The following MACROD2 variants were observed in gnomAD, a reference collection of about 807,000 sequenced individuals.
MACROD2 encodes mono-ADP ribosylhydrolase 2.
In MACROD2, 36 loss-of-function variants were observed where a neutral mutation model predicts 70.4. The observed-to-expected ratio is 0.51, with a 90% confidence interval of 0.39 to 0.68. The LOEUF (loss-of-function observed/expected upper bound fraction) is 0.68. Ranked by LOEUF, MACROD2 falls within the 30% of genes least tolerant of loss-of-function variation. The pLI, the probability that MACROD2 is intolerant of heterozygous loss-of-function variation, is 0.00. For synonymous variants in MACROD2, 172 were observed against 178.8 expected, an observed-to-expected ratio of 0.96 and a Z score of 0.30; for missense variants, 496 against 538.4, an observed-to-expected ratio of 0.92 and a Z score of 0.78.
At chr20:15,160,148 G>A (rs569845267) in intron 5 of MACROD2, among the ~76,000 whole-genome samples, 2 of 152,044 alleles carry the variant, frequency 1.3e-5, no homozygotes, top group South Asian at 2.1e-4. Context: ...ATTTGGCCAG[G>A]GTGTGTTGAA....
chr20:15,265,531 T>C (rs1459755880), intron 6 of MACROD2, among the ~76,000 whole-genome samples: 1 of 152,228 alleles, frequency 6.6e-6, no homozygotes, highest in African/African-American at 2.4e-5. Flanking sequence ...TGACTCATTT[T>C]TTTTCGATGT....
chr20:14,424,482 G>C (rs1034583114), intron 3 of MACROD2, among the ~76,000 whole-genome samples: 33 of 152,264 alleles, frequency 2.2e-4, no homozygotes, highest in Admixed American at 2.0e-3. Context: ...TATATTTTTA[G>C]AGTTGAATTT....
At chr20:15,628,389 C>G (rs1304417624) in intron 8 of MACROD2, among the ~76,000 whole-genome samples, 1 of 152,154 alleles carries the variant, frequency 6.6e-6, no homozygotes, top group African/African-American at 2.4e-5. Context: ...GGACTCTGAA[C>G]CCAGGATGTC....
intron 15 of MACROD2, among the ~76,000 whole-genome samples, chr20:16,005,127 A>T (rs1393083192): frequency 2.6e-5 from 4 of 152,210 alleles, no homozygotes; most frequent in Non-Finnish European, 5.9e-5. Flanking sequence ...AACAAGAAGG[A>T]GTCATGTGAA....
intron 5 of MACROD2, among the ~76,000 whole-genome samples, chr20:14,849,150 C>T (rs969497060): frequency 6.6e-6 from 1 of 152,134 alleles, no homozygotes; most frequent in African/African-American, 2.4e-5. Context: ...AATAGACCTG[C>T]AAAATGCAAG....
intron 8 of MACROD2, among the ~76,000 whole-genome samples, chr20:15,603,504 C>CAAAAAAAA (rs35734719): frequency 1.0e-5 from 1 of 97,974 alleles, no homozygotes; most frequent in Non-Finnish European, 2.2e-5. Context: ...TGAGACGTCT[C>CAAAAAAAA]AAAAAAAAAA....
intron 8 of MACROD2, among the ~76,000 whole-genome samples, chr20:15,778,208 A>ATCTAAT (rs1177405749): frequency 6.6e-6 from 1 of 152,168 alleles, no homozygotes; most frequent in African/African-American, 2.4e-5. Flanking sequence ...GTCTAATTTA[A>ATCTAAT]TCTAATTCCA....
chr20:14,936,313 T>C (rs2074340039), intron 5 of MACROD2, among the ~76,000 whole-genome samples: 1 of 152,186 alleles, frequency 6.6e-6, no homozygotes, highest in Non-Finnish European at 1.5e-5. Context: ...AAAGAAACTT[T>C]AGAATTCAAG....
intron 2 of MACROD2, among the ~76,000 whole-genome samples, chr20:14,011,503 T>C (rs1380152613): frequency 6.6e-6 from 1 of 152,066 alleles, no homozygotes; most frequent in Non-Finnish European, 1.5e-5. Flanking sequence ...TTAAAAAGCC[T>C]GTTCAAGTAG....
intron 15 of MACROD2, among the ~76,000 whole-genome samples, chr20:16,017,133 C>G (rs961208590): frequency 1.3e-5 from 2 of 152,164 alleles, no homozygotes; most frequent in African/African-American, 4.8e-5. Flanking sequence ...GCCCTCTTTC[C>G]TCCAAGTTTC....
chr20:15,292,844 C>A (rs1471063195), intron 6 of MACROD2, among the ~76,000 whole-genome samples: 3 of 151,580 alleles, frequency 2.0e-5, no homozygotes, highest in African/African-American at 7.3e-5. Context: ...TTTTTCATTT[C>A]CTACTTCTTT....
intron 5 of MACROD2, among the ~76,000 whole-genome samples, chr20:15,124,352 T>TG (rs1374156026): frequency 6.6e-6 from 1 of 150,718 alleles, no homozygotes; most frequent in Non-Finnish European, 1.5e-5. Flanking sequence ...ATTTCCTAGT[T>TG]TTTTTTTTTT....
chr20:14,607,465 G>A (rs539059121), intron 4 of MACROD2, among the ~76,000 whole-genome samples: 64 of 152,252 alleles, frequency 4.2e-4, no homozygotes, highest in Non-Finnish European at 5.6e-4. Flanking sequence ...AGGCAGTTAT[G>A]TCTCAACTGC....
In MACROD2 at chr20:15,885,175, TCA is replaced by T. The variant is rs2064806865; in HGVS notation, c.728-586_728-585del. ...GCGTGTCATCTATAGTGCAGAGGAA[TCA>T]CATGTCCTTGTCCAGTTAAAAGGGA... On this transcript the variant is annotated intron_variant, in intron 9 of 17. Transcript: ENST00000684519. 3.3e-5 allele frequency among the ~76,000 whole-genome samples: 5 copies of T among 152,198 alleles called. No homozygotes were observed. In the South Asian group the frequency reaches 1.0e-3, roughly 32 times the overall value.
intron 6 of MACROD2, among the ~76,000 whole-genome samples, chr20:15,306,449 T>C (rs1297012713): frequency 6.6e-6 from 1 of 152,212 alleles, no homozygotes; most frequent in Non-Finnish European, 1.5e-5. Context: ...GCAAATACTA[T>C]ACTATTATGT....
At chr20:14,694,987 G>T (rs2071105768) in intron 5 of MACROD2, among the ~76,000 whole-genome samples, 1 of 152,182 alleles carries the variant, frequency 6.6e-6, no homozygotes, top group African/African-American at 2.4e-5. Flanking sequence ...AACGGAGTAT[G>T]TCAGAATAAT....
chr20:14,920,540 T>C (rs114232597), intron 5 of MACROD2, among the ~76,000 whole-genome samples: 2,062 of 152,300 alleles, frequency 0.014, 41 homozygotes, highest in African/African-American at 0.047. Context: ...TCATTTAATT[T>C]TTTCTTCTTT....
Position 15,406,756 on chromosome 20 carries a change from G to A in MACROD2, c.541-24649G>A, listed in dbSNP as rs572284048. Among the ~76,000 whole-genome samples the A allele has an allele frequency of 2.6e-5, 4 of 152,268 alleles. No homozygotes were observed. In the East Asian group the frequency reaches 7.7e-4, roughly 29 times the overall value. ...ATTGTCCAGAATAAACAAAGCTTAT[G>A]TTTATTTTTAATTGATAGCAGCTGA... On this transcript the variant is annotated intron_variant, in intron 6 of 17. Transcript: ENST00000684519.
intron 5 of MACROD2, among the ~76,000 whole-genome samples, chr20:14,762,870 C>T (rs1018279681): frequency 6.6e-6 from 1 of 151,896 alleles, no homozygotes; most frequent in African/African-American, 2.4e-5. Flanking sequence ...GTAGAGGTTG[C>T]GGTGAGCTGA....
Sources: allele counts gnomAD v4.1 joint callset (sites outside exome capture counted in the v4.1 genomes callset), GRCh38; gene constraint gnomAD v4.1.1; transcripts MANE v1.5; gene names NCBI Gene and HGNC (gene_info 2026-07-23, HGNC 2026-07-21).